The following WTAP variants were observed in gnomAD, a reference collection of about 807,000 sequenced individuals.
The protein encoded by WTAP is pre-mRNA-splicing regulator WTAP.
In WTAP, 8 loss-of-function variants were observed where a neutral mutation model predicts 50.0. The ratio of observed to expected loss-of-function variants is 0.16; its 90% confidence interval spans 0.09 to 0.29. WTAP has a LOEUF of 0.29. Among genes scored for constraint, WTAP ranks in the 10% least tolerant of loss-of-function variants. The pLI is 1.00. For synonymous variants in WTAP, 194 were observed against 169.0 expected (o/e 1.15, Z -1.15); for missense variants, 295 against 470.7 (o/e 0.63, Z 3.45).
At chr6:159,728,233 A>G (rs1778336454) in intron 1 of WTAP, among the ~76,000 whole-genome samples, 1 of 152,252 alleles carries the variant, frequency 6.6e-6, no homozygotes, top group African/African-American at 2.4e-5. Context: ...TGTGAAATCC[A>G]AGTCTTACCT....
Position 159,755,360 on chromosome 6 carries a change from T to A in WTAP, c.940T>A (p.Ser314Thr), listed in dbSNP as rs747538278. ...TTCTCCAGGGAATGGTAATAAGTCC[T>A]CCAACAGCTCAGAGGAGAGAACTGG... Reference protein sequence around the residue: ...PSSPGNGNKSSNSSEERTGRG... With the variant: ...PSSPGNGNKSTNSSEERTGRG... Residue 314 changes from serine (S) to threonine (T), a missense_variant, in exon 8 of 8, where the codon TCC becomes ACC. Physicochemically the swap from Ser to Thr is moderately conservative, Grantham distance 58 (BLOSUM62 1). Around this residue, in one of 2 missense-constraint regions of WTAP, gnomAD observed 175 missense variants for 183.1 expected, o/e 0.96. Transcript: ENST00000621533. 1 of 1,614,214 alleles carries A rather than the reference T, an allele frequency of 6.2e-7. No homozygotes were observed. Among genetic ancestry groups the A allele is most frequent in the Admixed American group, 1.7e-5 (1 of 60,026 alleles).
intron 3 of WTAP, among the ~76,000 whole-genome samples, chr6:159,740,043 A>G (rs565559806): frequency 3.1e-4 from 47 of 151,952 alleles, no homozygotes; most frequent in African/African-American, 9.4e-4. Flanking sequence ...AATAGAGGTG[A>G]GGTGCTGCTC....
chr6:159,727,053 C>T (rs1778211120), upstream of WTAP: 13 of 1,217,646 alleles, frequency 1.1e-5, no homozygotes, highest in Non-Finnish European at 1.4e-5. Context: ...AGTACTTCCA[C>T]CTTCCCTTCC....
chr6:159,754,051 T>C (rs771992056), intron 7 of WTAP, among the ~76,000 whole-genome samples: 4 of 152,240 alleles, frequency 2.6e-5, no homozygotes, highest in Non-Finnish European at 2.9e-5. Flanking sequence ...ATAAGAGATT[T>C]AATCTTTAAA....
At position 159,743,717 on chromosome 6, in the gene WTAP, G is replaced by A. The variant is rs770403122; in HGVS notation, c.198G>A (p.Gln66=). ...RESEEKLKQQ[Q]QESARRENIL... Reference sequence around the variant, plus strand: ...CTGAAGAAAAACTAAAGCAACAACAGCAGGAGTCTGCACGCAGGGAAAACA... The same window carrying A: ...CTGAAGAAAAACTAAAGCAACAACAACAGGAGTCTGCACGCAGGGAAAACA... Residue 66 remains glutamine (Q), a synonymous_variant, in exon 5 of 8, where the codon CAG becomes CAA. Coordinates refer to ENST00000621533, the MANE Select transcript of WTAP (RefSeq NM_001270531.2). 1 of 1,613,632 alleles carries A rather than the reference G, an allele frequency of 6.2e-7. No homozygotes were observed. Among genetic ancestry groups the A allele is most frequent in the East Asian group, 2.2e-5 (1 of 44,838 alleles).
At position 159,756,281 on chromosome 6, in the gene WTAP, G is replaced by T. The variant is rs1780009968; in HGVS notation, c.*670G>T. The T allele has an allele frequency of 6.6e-6, 1 of 152,542 alleles. No homozygotes were observed. Among genetic ancestry groups the T allele is most frequent in the South Asian group, 2.1e-4 (1 of 4,824 alleles). The allele number at this position is 152,542 out of a possible 1,614,324, so 9.4% of individuals were successfully genotyped here. A position where few individuals can be genotyped will look rare whatever the true frequency, so the allele number is the denominator to read the frequency against. ...GACTCCAGTATATCTTACCTGTACT[G>T]ACCAAACCTAAATAAAGATTTTTAT... On this transcript the variant is annotated 3_prime_UTR_variant, in exon 8 of 8. Transcript: ENST00000621533.
chr6:159,755,765 C>CTTTTTTTTTTTTTTTTTTTTTTTTTTT lies in WTAP; in HGVS notation c.*179_*180insTTTTTTTTTTTTTTTTTTTTTTTTTTT. Reference sequence around the variant, plus strand: ...TTTTTCTTTGTTTTTTTTTTCTTTTCTTTTTTTTTTTTTTTTTTTTTTTTT... The same window carrying CTTTTTTTTTTTTTTTTTTTTTTTTTTT: ...TTTTTCTTTGTTTTTTTTTTCTTTTCTTTTTTTTTTTTTTTTTTTTTTTTTTTTTTTTTTTTTTTTTTTTTTTTTTTT... On this transcript the variant is annotated 3_prime_UTR_variant, in exon 8 of 8. Transcript: ENST00000621533. 1.4e-4 allele frequency: 25 copies of CTTTTTTTTTTTTTTTTTTTTTTTTTTT among 173,378 alleles called. 2 individuals carry two copies. Among genetic ancestry groups the CTTTTTTTTTTTTTTTTTTTTTTTTTTT allele is most frequent in the Admixed American group, 9.8e-4 (3 of 3,070 alleles). The allele number at this position is 173,378 out of a possible 1,614,324, so 10.7% of individuals were successfully genotyped here.
chr6:159,749,328 T>G, intron 6 of WTAP: 1 of 985,818 alleles, frequency 1.0e-6, no homozygotes, highest in Non-Finnish European at 1.2e-6. Context: ...TAAAAGAGCT[T>G]TGTCGTTGGT....
chr6:159,738,276 T>C (rs1445127822), intron 2 of WTAP, among the ~76,000 whole-genome samples: 2 of 152,240 alleles, frequency 1.3e-5, no homozygotes, highest in Non-Finnish European at 2.9e-5. Flanking sequence ...CAACCACTAA[T>C]TTATCTCCAT....
chr6:159,742,996 A>T (rs1779354838), intron 4 of WTAP, among the ~76,000 whole-genome samples: 1 of 152,148 alleles, frequency 6.6e-6, no homozygotes, highest in Admixed American at 6.5e-5. Context: ...ACAGAATAAG[A>T]TCCTGCCTCA....
chr6:159,742,275 C>CCTATGT, intron 4 of WTAP, 129 bp downstream of exon 4: 1 of 705,214 alleles, frequency 1.4e-6, no homozygotes, highest in Non-Finnish European at 2.3e-6. Context: ...TGTACATAGG[C>CCTATGT]ACTGTGTTGG....
chr6:159,729,831 G>A (rs1229692041), intron 1 of WTAP, among the ~76,000 whole-genome samples: 4 of 152,210 alleles, frequency 2.6e-5, no homozygotes, highest in African/African-American at 9.6e-5. Flanking sequence ...TCTTACTGAA[G>A]TTGTTTTGGC....
chr6:159,726,955 G>T, upstream of WTAP: 1 of 1,287,308 alleles, frequency 7.8e-7, no homozygotes, highest in South Asian at 1.2e-5. Context: ...ACGGATGAGC[G>T]TCACGAACAC....
intron 6 of WTAP, among the ~76,000 whole-genome samples, chr6:159,750,528 TATC>T (rs1779779822): frequency 6.6e-6 from 1 of 152,256 alleles, no homozygotes; most frequent in Admixed American, 6.5e-5. Flanking sequence ...TTTTCTTGGG[TATC>T]ATCAAGATAA....
At chr6:159,732,632 C>T (rs559914199) in intron 1 of WTAP, among the ~76,000 whole-genome samples, 33 of 152,200 alleles carry the variant, frequency 2.2e-4, no homozygotes, top group Admixed American at 1.0e-3. Context: ...GTGAGGAGTT[C>T]GAGACCAGCC....
At chr6:159,736,873 G>A (rs10455779) in intron 2 of WTAP, among the ~76,000 whole-genome samples, 2,604 of 152,142 alleles carry the variant, frequency 0.017, 34 homozygotes, top group Non-Finnish European at 0.024. Flanking sequence ...AGGTAACATC[G>A]TCTCTAGGAG....
intron 1 of WTAP, chr6:159,730,815 TTACAAA>T (rs1342253720): frequency 2.6e-5 from 4 of 152,194 alleles, no homozygotes; most frequent in Non-Finnish European, 4.4e-5. Flanking sequence ...CTGACTTACA[TTACAAA>T]TACAGAGTTT....
At chr6:159,727,817 G>A in intron 1 of WTAP, 114 bp downstream of exon 1, 4 of 737,838 alleles carry the variant, frequency 5.4e-6, no homozygotes, top group Non-Finnish European at 6.6e-6. Context: ...GGCCACACGG[G>A]CCTGGTGCGG....
At chr6:159,737,582 C>A (rs773622912) in intron 2 of WTAP, among the ~76,000 whole-genome samples, 1 of 152,052 alleles carries the variant, frequency 6.6e-6, no homozygotes, top group Non-Finnish European at 1.5e-5. Context: ...TGGCCTCATA[C>A]CCCAGCTTAT....
Sources: allele counts gnomAD v4.1 joint callset (sites outside exome capture counted in the v4.1 genomes callset), GRCh38; gene constraint gnomAD v4.1.1; regional missense constraint gnomAD v4.1.1; transcripts MANE v1.5; gene names NCBI Gene and HGNC (gene_info 2026-07-23, HGNC 2026-07-21).